Variants in ABLIM3 observed in about 807,000 individuals in gnomAD.
ABLIM3 encodes the protein actin binding LIM protein family member 3.
Under a neutral mutation model 109.5 loss-of-function variants are expected in ABLIM3, and 61 were observed. That is an observed-to-expected ratio of 0.56 (90% CI 0.45 to 0.69). The LOEUF (loss-of-function observed/expected upper bound fraction) is 0.69. Ranked by LOEUF, ABLIM3 falls within the 30% of genes least tolerant of loss-of-function variation. The probability of loss-of-function intolerance (pLI) is 0.00; values close to 1 mark genes in which losing one functional copy is unlikely to be tolerated. For missense variants in ABLIM3, 796 were observed against 889.5 expected, an observed-to-expected ratio of 0.89 and a Z score of 1.34; for synonymous variants, 300 against 324.8, an observed-to-expected ratio of 0.92 and a Z score of 0.82.
At chr5:149,249,207 C>T (rs1753704126) in intron 18 of ABLIM3, among the ~76,000 whole-genome samples, 3 of 152,242 alleles carry the variant, frequency 2.0e-5, no homozygotes, top group South Asian at 4.1e-4. Context: ...CCCCATACTA[C>T]ACCTTGACTC....
rs567761620 is a variant in ABLIM3 at position 149,162,811 on chromosome 5, A to G, written c.14-20641A>G. On this transcript the variant is annotated intron_variant, in intron 2 of 23. Coordinates refer to ENST00000309868, the MANE Select transcript of ABLIM3 (RefSeq NM_014945.5). ...GTTTCTCCTGATGGCTAACCTGACC[A>G]GGGCAGTGGGGCATGAGCAGGCAGG... Among the ~76,000 whole-genome samples the G allele has an allele frequency of 4.6e-5, 7 of 152,322 alleles. No homozygotes were observed. In the South Asian group the frequency reaches 1.2e-3, roughly 27 times the overall value.
chr5:149,175,133 A>T (rs367875521), intron 2 of ABLIM3, among the ~76,000 whole-genome samples: 3 of 152,280 alleles, frequency 2.0e-5, no homozygotes, highest in East Asian at 3.9e-4. Flanking sequence ...CACCCTAGGG[A>T]TGTTTCCCCT....
At chr5:149,257,616 T>G (rs1221444099) in intron 23 of ABLIM3, among the ~76,000 whole-genome samples, 5 of 152,224 alleles carry the variant, frequency 3.3e-5, no homozygotes, top group Admixed American at 3.3e-4. Flanking sequence ...TGCTGTATAT[T>G]TCTAACTCTA....
At chr5:149,187,375 G>C (rs1416477584) in intron 3 of ABLIM3, among the ~76,000 whole-genome samples, 2 of 152,148 alleles carry the variant, frequency 1.3e-5, no homozygotes, top group African/African-American at 4.8e-5. Context: ...ATGGTAAATG[G>C]CCAGACAACT....
chr5:149,191,502 A>G (rs1049349511), intron 3 of ABLIM3, among the ~76,000 whole-genome samples: 1 of 152,232 alleles, frequency 6.6e-6, no homozygotes, highest in Non-Finnish European at 1.5e-5. Context: ...ACATTCAAAA[A>G]CAAATCATCT....
At chr5:149,187,867 G>A (rs777273195) in intron 3 of ABLIM3, among the ~76,000 whole-genome samples, 51 of 152,102 alleles carry the variant, frequency 3.4e-4, no homozygotes, top group Non-Finnish European at 5.4e-4. Context: ...TAGCCTGTGC[G>A]GTCTAACCCT....
At chr5:149,227,971 G>A (rs1761486469) in intron 8 of ABLIM3, among the ~76,000 whole-genome samples, 1 of 152,102 alleles carries the variant, frequency 6.6e-6, no homozygotes, top group Non-Finnish European at 1.5e-5. Flanking sequence ...ATAAATGGGT[G>A]GGGCAAATAA....
intron 8 of ABLIM3, among the ~76,000 whole-genome samples, chr5:149,229,573 G>C (rs1037811224): frequency 6.6e-6 from 1 of 152,146 alleles, no homozygotes; most frequent in African/African-American, 2.4e-5. Flanking sequence ...TAGTATTCCG[G>C]TCCTGGGGGT....
chr5:149,142,117 A>G lies in ABLIM3; in HGVS notation c.13+9A>G. 2.5e-6 allele frequency: 4 copies of G among 1,607,416 alleles called. No individual in the cohort carries two copies. Among genetic ancestry groups the G allele is most frequent in the Non-Finnish European group, 3.4e-6 (4 of 1,177,268 alleles). ...CACCATGAACACTAGCAGTAAGTGG[A>G]TCCTCCTCTCCTTTGCCATGGGAAC... is the stretch of plus-strand genomic sequence containing the variant. On this transcript the variant is annotated intron_variant, in intron 2 of 23. Transcript: ENST00000309868.
Position 149,259,622 on chromosome 5 carries a change from AT to A in ABLIM3, c.*1222del. 1 of 1,528,684 alleles carries A rather than the reference AT, an allele frequency of 6.5e-7. No individual in the cohort carries two copies. Among genetic ancestry groups the A allele is most frequent in the Non-Finnish European group, 8.8e-7 (1 of 1,140,172 alleles). The allele number at this position is 1,528,684 out of a possible 1,614,324, so 94.7% of individuals were successfully genotyped here. ...CCAACACCGCTCATGGCCATCCTGG[AT>A]TTTCCCAGTGGCTTCCCTTCCTGCT... On this transcript the variant is annotated 3_prime_UTR_variant, in exon 24 of 24. Transcript: ENST00000309868.
At chr5:149,204,367 G>A (rs1474499853) in intron 5 of ABLIM3, among the ~76,000 whole-genome samples, 6 of 152,232 alleles carry the variant, frequency 3.9e-5, no homozygotes, top group East Asian at 1.9e-4. Flanking sequence ...CCAGACCCAC[G>A]GGCTCCTGGG....
intron 2 of ABLIM3, among the ~76,000 whole-genome samples, chr5:149,178,093 G>A (rs934323979): frequency 3.9e-5 from 6 of 152,152 alleles, no homozygotes; most frequent in Non-Finnish European, 7.3e-5. Context: ...TGGCCTCACT[G>A]TAGGAAACAG....
At chr5:149,217,200 G>A (rs1760183852) in intron 8 of ABLIM3, 154 bp downstream of exon 8, 5 of 711,516 alleles carry the variant, frequency 7.0e-6, no homozygotes, top group Non-Finnish European at 1.2e-5. Flanking sequence ...CCCCTCTCTG[G>A]GTGGATTGGG....
chr5:149,239,367 G>T (rs751770784), intron 12 of ABLIM3, 90 bp downstream of exon 12: 57 of 1,422,104 alleles, frequency 4.0e-5, no homozygotes, highest in Admixed American at 1.9e-4. Context: ...AGGTGTCTGA[G>T]CCCTTGCCCA....
At chr5:149,237,785 T>C (rs886475751) in intron 11 of ABLIM3, among the ~76,000 whole-genome samples, 182 bp downstream of exon 11, 1 of 152,162 alleles carries the variant, frequency 6.6e-6, no homozygotes, top group African/African-American at 2.4e-5. Flanking sequence ...CTGGCTCTTC[T>C]TGAAAAATCA....
At chr5:149,221,990 G>A (rs1007434561) in intron 8 of ABLIM3, among the ~76,000 whole-genome samples, 7 of 151,960 alleles carry the variant, frequency 4.6e-5, no homozygotes, top group African/African-American at 1.7e-4. Flanking sequence ...GTTATCATTT[G>A]TATATTTAAC....
chr5:149,223,959 T>A (rs1199782730), intron 8 of ABLIM3, among the ~76,000 whole-genome samples: 1 of 152,196 alleles, frequency 6.6e-6, no homozygotes, highest in Non-Finnish European at 1.5e-5. Flanking sequence ...CAGTCTGAGC[T>A]CATGATAATC....
chr5:149,259,290 T>A lies in ABLIM3; in HGVS notation c.*886T>A. The A allele has an allele frequency of 7.3e-7, 1 of 1,369,184 alleles. No individual in the cohort carries two copies. The highest frequency in any genetic ancestry group is 1.5e-5 in the African/African-American group (1 of 68,234). The allele number at this position is 1,369,184 out of a possible 1,614,324, so 84.8% of individuals were successfully genotyped here. ...CTTCCCTCTTTCAAGGAGAAGCCCA[T>A]GATTGCAGCTTGTATTCTTTAGCCT... On this transcript the variant is annotated 3_prime_UTR_variant, in exon 24 of 24. Coordinates refer to ENST00000309868, the MANE Select transcript of ABLIM3 (RefSeq NM_014945.5).
intron 14 of ABLIM3, among the ~76,000 whole-genome samples, chr5:149,241,115 T>C (rs1297369429): frequency 6.6e-6 from 1 of 152,236 alleles, no homozygotes; most frequent in East Asian, 1.9e-4. Flanking sequence ...TTCAAAGCTC[T>C]TGGGATGGAA....
Sources: allele counts gnomAD v4.1 joint callset (sites outside exome capture counted in the v4.1 genomes callset), GRCh38; gene constraint gnomAD v4.1.1; transcripts MANE v1.5; gene names NCBI Gene and HGNC (gene_info 2026-07-23, HGNC 2026-07-21).